The following SMARCAL1 variants were observed in gnomAD, a reference collection of about 807,000 sequenced individuals.
SMARCAL1 encodes the protein ATP-driven annealing helicase.
In SMARCAL1, 58 loss-of-function variants were observed where a neutral mutation model predicts 94.5. The ratio of observed to expected loss-of-function variants is 0.61; its 90% CI spans 0.50 to 0.76. The LOEUF (loss-of-function observed/expected upper bound fraction) is 0.76. Ranked by LOEUF, SMARCAL1 falls within the 30% of genes least tolerant of loss-of-function variation. The pLI, the probability that SMARCAL1 is intolerant of heterozygous loss-of-function variation, is 0.00. For missense variants in SMARCAL1, 1,051 were observed against 1,177.9 expected (o/e 0.89, Z 1.58); for synonymous variants, 422 against 455.1 (o/e 0.93, Z 0.93).
At chr2:216,446,724 T>C (rs1344884875) in intron 10 of SMARCAL1, 1 of 561,818 alleles carries the variant, frequency 1.8e-6, no homozygotes, top group Admixed American at 2.2e-5. Flanking sequence ...TAAAGGTGAA[T>C]ACAGCCCAGT....
chr2:216,429,648 A>G (rs1574454489), intron 7 of SMARCAL1, among the ~76,000 whole-genome samples: 2 of 152,238 alleles, frequency 1.3e-5, no homozygotes, highest in South Asian at 4.2e-4. Context: ...GAAGGAACCT[A>G]AATTAACAAT....
intron 7 of SMARCAL1, among the ~76,000 whole-genome samples, chr2:216,431,789 CA>C (rs1693969586): frequency 6.6e-6 from 1 of 152,152 alleles, no homozygotes; most frequent in African/African-American, 2.4e-5. Flanking sequence ...AGGGATGCTG[CA>C]CTTAAGGGCT....
At chr2:216,452,113 G>T (rs2106056608) in intron 12 of SMARCAL1, among the ~76,000 whole-genome samples, 1 of 152,298 alleles carries the variant, frequency 6.6e-6, no homozygotes, top group East Asian at 1.9e-4. Flanking sequence ...ATAATAATCT[G>T]GATGGTCTGG....
intron 12 of SMARCAL1, among the ~76,000 whole-genome samples, chr2:216,457,859 G>C (rs913030433): frequency 1.2e-4 from 18 of 152,094 alleles, no homozygotes; most frequent in Non-Finnish European, 2.4e-4. Context: ...AGGAGATAGA[G>C]ACACAAAAAA....
chr2:216,455,988 T>A (rs1170089309), intron 12 of SMARCAL1, among the ~76,000 whole-genome samples: 2 of 152,128 alleles, frequency 1.3e-5, no homozygotes, highest in Admixed American at 6.5e-5. Flanking sequence ...GAATAACCAA[T>A]GCAGAGAAGT....
At position 216,478,050 on chromosome 2, in the gene SMARCAL1, T is replaced by G. The variant is rs284524; in HGVS notation, c.2529-153T>G. ...TTTTTACAAATGAGAGGGGGCAAATTTTTCAAGATGGGTGTTTGCACCTTG... is the reference window on the plus strand; with the variant it reads ...TTTTTACAAATGAGAGGGGGCAAATGTTTCAAGATGGGTGTTTGCACCTTG... On this transcript the variant is annotated intron_variant, in intron 16 of 17. Transcript: ENST00000357276. Among the ~76,000 whole-genome samples the G allele has an allele frequency of 0.24, 36,665 of 151,998 alleles. 4,936 individuals are homozygous for G. Among genetic ancestry groups the G allele is most frequent in the East Asian group, 0.36 (1,857 of 5,160 alleles).
intron 8 of SMARCAL1, among the ~76,000 whole-genome samples, chr2:216,434,871 T>TC (rs1694046184): frequency 6.9e-6 from 1 of 144,200 alleles, no homozygotes; most frequent in African/African-American, 2.6e-5. Context: ...TTTTTTTTTT[T>TC]CTGAGACCCG....
In SMARCAL1 at chr2:216,455,623, A is replaced by T. The variant is rs188251853; in HGVS notation, c.2070+4559A>T. 1.2e-3 allele frequency among the ~76,000 whole-genome samples: 184 copies of T among 152,346 alleles called. 1 individual carries two copies. Among genetic ancestry groups the T allele is most frequent in the African/African-American group, 4.3e-3 (177 of 41,590 alleles). On this transcript the variant is annotated intron_variant, in intron 12 of 17. Coordinates refer to ENST00000357276, the MANE Select transcript of SMARCAL1 (RefSeq NM_014140.4). ...GTGGTCCTCCAGCAAACTCCAACAGACCTGCAGCTGAGAGTCCTGACTGTT... is the reference window on the plus strand; with the variant it reads ...GTGGTCCTCCAGCAAACTCCAACAGTCCTGCAGCTGAGAGTCCTGACTGTT...
At chr2:216,430,503 T>A (rs1362178280) in intron 7 of SMARCAL1, among the ~76,000 whole-genome samples, 1 of 152,208 alleles carries the variant, frequency 6.6e-6, no homozygotes, top group Non-Finnish European at 1.5e-5. Context: ...ATTGATTAAT[T>A]TCTGAGTATG....
At chr2:216,440,890 C>G (rs1694185474) in intron 10 of SMARCAL1, among the ~76,000 whole-genome samples, 1 of 152,126 alleles carries the variant, frequency 6.6e-6, no homozygotes, top group South Asian at 2.1e-4. Context: ...AAATTGTCTC[C>G]AGATGCCACC....
intron 14 of SMARCAL1, among the ~76,000 whole-genome samples, chr2:216,472,784 A>T (rs895798704): frequency 8.7e-5 from 13 of 149,798 alleles, no homozygotes; most frequent in East Asian, 3.9e-4. Flanking sequence ...GAAAAATAAA[A>T]TTTTTTTTTT....
At chr2:216,417,983 C>T (rs1267647006) in intron 4 of SMARCAL1, among the ~76,000 whole-genome samples, 3 of 152,040 alleles carry the variant, frequency 2.0e-5, no homozygotes, top group African/African-American at 7.3e-5. Context: ...TGCAGTGGTG[C>T]GATCTTGGCT....
chr2:216,425,150 A>G (rs1693804167), intron 6 of SMARCAL1, among the ~76,000 whole-genome samples: 1 of 152,202 alleles, frequency 6.6e-6, no homozygotes. Flanking sequence ...TCACGCTACC[A>G]GTCCAGATTC....
At chr2:216,440,650 G>C (rs1694179288) in intron 10 of SMARCAL1, among the ~76,000 whole-genome samples, 1 of 152,184 alleles carries the variant, frequency 6.6e-6, no homozygotes, top group South Asian at 2.1e-4. Context: ...GGCAGGATTG[G>C]GCTGAAGGAG....
In SMARCAL1 at chr2:216,477,135, G is replaced by A. The variant is rs1325176430; in HGVS notation, c.2454G>A (p.Val818=). 7.5e-6 allele frequency: 12 copies of A among 1,589,738 alleles called. No homozygotes were observed. Among genetic ancestry groups the A allele is most frequent in the Non-Finnish European group, 1.0e-5 (12 of 1,168,056 alleles). Residue 818 remains valine, a synonymous_variant, in exon 16 of 18, where the codon GTG becomes GTA. Transcript: ENST00000357276. ...PGVLIQAEDR[V]HRIGQTSSVG... is the part of the protein sequence containing the mutation. ...TGCTGATCCAGGCTGAGGACCGCGT[G>A]CACCGCATTGGACAGACCAGCTCCG...
chr2:216,461,521 A>T (rs1694703982), intron 12 of SMARCAL1, among the ~76,000 whole-genome samples: 1 of 152,184 alleles, frequency 6.6e-6, no homozygotes. Context: ...CATGTTGTTA[A>T]ATATTCTCTT....
intron 13 of SMARCAL1, 114 bp downstream of exon 13, chr2:216,464,781 A>G: frequency 1.2e-6 from 1 of 803,724 alleles, no homozygotes; most frequent in Non-Finnish European, 2.2e-6. Context: ...ATGACCAGAG[A>G]TTATTAAATG....
chr2:216,420,642 C>T, intron 5 of SMARCAL1, 110 bp downstream of exon 5: 1 of 809,876 alleles, frequency 1.2e-6, no homozygotes, highest in South Asian at 1.4e-5. Context: ...TTGGGAAAGA[C>T]TTCCTGTTCT....
chr2:216,466,959 G>C (rs1266338153), intron 13 of SMARCAL1, among the ~76,000 whole-genome samples: 1 of 152,184 alleles, frequency 6.6e-6, no homozygotes, highest in African/African-American at 2.4e-5. Context: ...CTTTAAGGAA[G>C]GCAGAGTCTG....
Sources: allele counts gnomAD v4.1 joint callset (sites outside exome capture counted in the v4.1 genomes callset), GRCh38; gene constraint gnomAD v4.1.1; transcripts MANE v1.5; gene names NCBI Gene and HGNC (gene_info 2026-07-23, HGNC 2026-07-21).